LIPA: variants seen among roughly 807,000 people sequenced by gnomAD.
The protein encoded by LIPA is lysosomal acid lipase/cholesteryl ester hydrolase.
LIPA carries 26 observed loss-of-function variants against 40.6 expected under a neutral mutation model. That is an observed-to-expected ratio of 0.64 (90% CI 0.47 to 0.89). The LOEUF (loss-of-function observed/expected upper bound fraction) is 0.89, where lower values mean the gene tolerates loss of function less well. Among genes scored for constraint, LIPA ranks in the 40% least tolerant of loss-of-function variants. LIPA has a pLI of 0.00. For synonymous variants in LIPA, 188 were observed against 168.4 expected, an observed-to-expected ratio of 1.12 and a Z score of -0.90; for missense variants, 455 against 479.6, an observed-to-expected ratio of 0.95 and a Z score of 0.48.
At chr10:89,248,838 C>T (rs901717952) in intron 1 of LIPA, among the ~76,000 whole-genome samples, 1 of 152,066 alleles carries the variant, frequency 6.6e-6, no homozygotes, top group Non-Finnish European at 1.5e-5. Context: ...TGATATATGA[C>T]CTTTGGAGTC....
At chr10:89,370,169 A>G (rs1003584446) in intron 2 of LIPA, among the ~76,000 whole-genome samples, 2 of 152,200 alleles carry the variant, frequency 1.3e-5, no homozygotes, top group African/African-American at 2.4e-5. Flanking sequence ...GCAGTGCTCA[A>G]TAGTAATATA....
chr10:89,320,005 C>G (rs756295777), intron 1 of LIPA, among the ~76,000 whole-genome samples: 14 of 152,114 alleles, frequency 9.2e-5, no homozygotes, highest in Non-Finnish European at 1.6e-4. Flanking sequence ...AGGCCTTTAA[C>G]AAAATTCAGT....
intron 2 of LIPA, among the ~76,000 whole-genome samples, chr10:89,396,271 G>C (rs1418245157): frequency 6.6e-6 from 1 of 152,120 alleles, no homozygotes; most frequent in Non-Finnish European, 1.5e-5. Flanking sequence ...AGTCCTTTTT[G>C]TGTTGCTATA....
At chr10:89,406,581 G>C (rs1220913752) in intron 2 of LIPA, 1 of 153,028 alleles carries the variant, frequency 6.5e-6, no homozygotes, top group Non-Finnish European at 1.5e-5. Context: ...AAACCCACCA[G>C]GAGGAACAAA....
intron 2 of LIPA, among the ~76,000 whole-genome samples, chr10:89,353,169 C>T (rs1414493962): frequency 6.6e-6 from 1 of 152,158 alleles, no homozygotes; most frequent in African/African-American, 2.4e-5. Context: ...TTGGTTGAAG[C>T]CAATGCCAGG....
At chr10:89,393,102 T>C (rs1165665820) in intron 2 of LIPA, 2 of 1,293,706 alleles carry the variant, frequency 1.5e-6, no homozygotes, top group African/African-American at 3.0e-5. Context: ...CATTGCTTTC[T>C]GCAGGTTCTT....
At chr10:89,402,248 C>G in intron 2 of LIPA, 1 of 1,434,874 alleles carries the variant, frequency 7.0e-7, no homozygotes, top group Admixed American at 2.0e-5. Flanking sequence ...CTGTTCCTCA[C>G]CTAACAAAGA....
chr10:89,408,899 G>T (rs965470793), intron 2 of LIPA, among the ~76,000 whole-genome samples: 2 of 152,174 alleles, frequency 1.3e-5, no homozygotes, highest in African/African-American at 2.4e-5. Context: ...CCCCATTATG[G>T]ATCCCCACTG....
intron 2 of LIPA, chr10:89,383,607 G>A (rs1021449497): frequency 1.2e-6 from 2 of 1,614,098 alleles, no homozygotes; most frequent in East Asian, 2.2e-5. Flanking sequence ...TGGTGACCTG[G>A]GGCAACTTTG....
intron 1 of LIPA, chr10:89,332,723 C>A: frequency 8.2e-7 from 1 of 1,219,000 alleles, no homozygotes; most frequent in Non-Finnish European, 1.2e-6. Context: ...ATGAAATATG[C>A]ATTTATCTAA....
At chr10:89,304,514 A>G (rs1381959871) in intron 1 of LIPA, among the ~76,000 whole-genome samples, 1 of 152,196 alleles carries the variant, frequency 6.6e-6, no homozygotes, top group Non-Finnish European at 1.5e-5. Flanking sequence ...ACATTGCATG[A>G]CATTCCAGAT....
chr10:89,228,467 T>C (rs1842799809), intron 3 of LIPA, 69 bp from the exon 4 acceptor site: 6 of 1,273,534 alleles, frequency 4.7e-6, no homozygotes, highest in South Asian at 1.2e-5. Context: ...TCTTGCTAAA[T>C]AGAACATTCG....
At chr10:89,341,543 T>C (rs577200182) in intron 1 of LIPA, among the ~76,000 whole-genome samples, 1 of 152,356 alleles carries the variant, frequency 6.6e-6, no homozygotes, top group South Asian at 2.1e-4. Flanking sequence ...TATATAAATG[T>C]ATAAGATGAT....
At chr10:89,235,623 C>T (rs1842895621) in intron 3 of LIPA, among the ~76,000 whole-genome samples, 1 of 152,224 alleles carries the variant, frequency 6.6e-6, no homozygotes, top group Non-Finnish European at 1.5e-5. Flanking sequence ...TCCCAAGGCA[C>T]TGGCCTTCTC....
chr10:89,375,375 T>C (rs304501), intron 2 of LIPA, among the ~76,000 whole-genome samples: 49,140 of 152,080 alleles, frequency 0.32, 8,930 homozygotes, highest in East Asian at 0.53. Context: ...AGGGTTTTAA[T>C]AGTTCTCATT....
chr10:89,246,412 C>T (rs370459960), intron 2 of LIPA, among the ~76,000 whole-genome samples: 1 of 152,182 alleles, frequency 6.6e-6, no homozygotes, highest in Non-Finnish European at 1.5e-5. Context: ...AATAAGTGCA[C>T]ATACCCTCTC....
chr10:89,361,876 T>G (rs906677947), intron 2 of LIPA, among the ~76,000 whole-genome samples: 23 of 7,472 alleles, frequency 3.1e-3, no homozygotes, highest in Non-Finnish European at 5.0e-3. Flanking sequence ...TCCACCTGCC[T>G]TTTTTTTTTT....
At chr10:89,218,885 G>A (rs1314409446) in intron 8 of LIPA, among the ~76,000 whole-genome samples, 1 of 152,028 alleles carries the variant, frequency 6.6e-6, no homozygotes, top group African/African-American at 2.4e-5. Flanking sequence ...AGCTTAACTT[G>A]TATCTAACAA....
chr10:89,328,240 G>T lies in LIPA; in HGVS notation c.-2+14371C>A, dbSNP rs117905959. On this transcript the variant is annotated intron_variant, in intron 1 of 5. Transcript: ENST00000282673. ...TAAGATGTTTGAGGGGTTTTTCCCT[G>T]TGGCTTTTTTTGGTGTACACACAGG... 8.6e-3 allele frequency among the ~76,000 whole-genome samples: 1,307 copies of T among 152,320 alleles called. 7 individuals are homozygous for T. The highest frequency in any genetic ancestry group is 0.013 in the Non-Finnish European group (890 of 68,034).
Sources: gnomAD v4.1 joint callset for allele counts (sites outside exome capture counted in the v4.1 genomes callset) on GRCh38, gnomAD v4.1.1 for gene constraint, MANE v1.5 for transcripts, NCBI Gene and HGNC (gene_info 2026-07-23, HGNC 2026-07-21) for gene names.